Variants in ARHGAP32 observed in about 807,000 individuals in gnomAD.
ARHGAP32 encodes the protein Rho GTPase activating protein 32.
A neutral mutation model predicts 186.5 loss-of-function variants in ARHGAP32; 51 were observed. That is an observed-to-expected ratio of 0.27 (90% CI 0.22 to 0.35). The LOEUF (loss-of-function observed/expected upper bound fraction) is 0.35. Among genes scored for constraint, ARHGAP32 ranks in the 10% least tolerant of loss-of-function variants. ARHGAP32 has a pLI of 1.00. For synonymous variants in ARHGAP32, 950 were observed against 964.3 expected (o/e 0.99, Z 0.27); for missense variants, 2,186 against 2,623.5 (o/e 0.83, Z 3.64).
chr11:128,989,163 C>T (rs1375432218), intron 12 of ARHGAP32, among the ~76,000 whole-genome samples: 1 of 151,968 alleles, frequency 6.6e-6, no homozygotes, highest in African/African-American at 2.4e-5. Flanking sequence ...CCTTGGTTTT[C>T]CTGACTTTTA....
In ARHGAP32 at chr11:129,106,067, G is replaced by A. The variant is rs544695945; in HGVS notation, c.445-12360C>T. Among the ~76,000 whole-genome samples the A allele has an allele frequency of 3.3e-5, 5 of 152,300 alleles. 1 individual carries two copies. The highest frequency in any genetic ancestry group is 1.2e-4 in the African/African-American group (5 of 41,562). On this transcript the variant is annotated intron_variant, in intron 5 of 22. Transcript: ENST00000682385. ...GAAAAGGAATTGCTTATATACTGTTGTTGGGAATGTAAATTACTTCAGCCA... is the reference window on the plus strand; with the variant it reads ...GAAAAGGAATTGCTTATATACTGTTATTGGGAATGTAAATTACTTCAGCCA...
At chr11:129,241,022 C>A (rs1471811601) in intron 1 of ARHGAP32, among the ~76,000 whole-genome samples, 1 of 152,166 alleles carries the variant, frequency 6.6e-6, no homozygotes, top group East Asian at 1.9e-4. Context: ...TCTTGCTCCA[C>A]TATTTACCAT....
chr11:129,066,591 CTT>C lies in ARHGAP32; in HGVS notation c.669+138_669+139del, dbSNP rs563875685. On this transcript the variant is annotated intron_variant, in intron 7 of 22. Transcript: ENST00000682385. ...TAAACATTATATTTAACATTACTAA[CTT>C]TTCAGTTATGAAACAGGCAAGTAGT... 3.0e-4 allele frequency: 197 copies of C among 664,890 alleles called. No homozygotes were observed. The African/African-American group carries it at 3.3e-3, about 11-fold the overall frequency. 41.2% of individuals were successfully genotyped at this position (664,890 alleles called of 1,614,324 possible).
intron 6 of ARHGAP32, among the ~76,000 whole-genome samples, chr11:129,068,488 T>C (rs1940767385): frequency 2.0e-5 from 3 of 152,092 alleles, no homozygotes; most frequent in African/African-American, 4.8e-5. Context: ...ATTTCAAATT[T>C]GCCAAAGTGG....
At position 129,111,451 on chromosome 11, in the gene ARHGAP32, T is replaced by C. The variant is rs191846123; in HGVS notation, c.444+11995A>G. The stretch of plus-strand genomic sequence containing the variant: ...GGGAGAATTCTCTCCTCTTCAATTC[T>C]TTGAAATAGTTTGAGGAGAGTGATG... On this transcript the variant is annotated intron_variant, in intron 5 of 22. Coordinates refer to ENST00000682385, the MANE Select transcript of ARHGAP32 (RefSeq NM_001378024.1). 1.6e-4 allele frequency among the ~76,000 whole-genome samples: 24 copies of C among 152,340 alleles called. No homozygotes were observed. The East Asian group carries it at 4.4e-3, about 28-fold the overall frequency.
chr11:128,984,744 T>A (rs975568816), intron 15 of ARHGAP32, among the ~76,000 whole-genome samples: 2 of 152,064 alleles, frequency 1.3e-5, no homozygotes, highest in East Asian at 1.9e-4. Flanking sequence ...ACAGGCAAAG[T>A]GGATAATATT....
intron 1 of ARHGAP32, among the ~76,000 whole-genome samples, chr11:129,208,500 A>C (rs973938721): frequency 1.3e-5 from 2 of 152,208 alleles, no homozygotes. Flanking sequence ...CTTCAGATCA[A>C]ACAACAGTTA....
intron 10 of ARHGAP32, among the ~76,000 whole-genome samples, chr11:129,059,180 T>C (rs1005700586): frequency 2.0e-5 from 3 of 152,220 alleles, no homozygotes; most frequent in Non-Finnish European, 4.4e-5. Flanking sequence ...GGCAATGAGA[T>C]GGAGCAGACT....
chr11:129,174,539 C>T (rs1943859928), intron 1 of ARHGAP32, among the ~76,000 whole-genome samples: 1 of 152,172 alleles, frequency 6.6e-6, no homozygotes, highest in Non-Finnish European at 1.5e-5. Flanking sequence ...CTTAAATGTC[C>T]CTGTCTGACA....
chr11:129,123,461 C>T lies in ARHGAP32; in HGVS notation c.429G>A (p.Glu143=), dbSNP rs774043407. ...ECAHFHYENV[E]FGSIQLSLSE... The stretch of plus-strand genomic sequence containing the variant: ...TTCAGTATACCTGTATGCTGCCGAA[C>T]TCAACATTCTCATAATGGAAATGCG... The change falls in exon 5 of 23, where the codon GAG becomes GAA. Residue 143 remains glutamate, a synonymous_variant. Transcript: ENST00000682385. The surrounding 1 kb of genome is among the most constrained non-coding windows in gnomAD (Gnocchi z 4.6). 3 of 1,612,622 alleles carry T rather than the reference C, an allele frequency of 1.9e-6. No homozygotes were observed. Among genetic ancestry groups the T allele is most frequent in the Non-Finnish European group, 2.5e-6 (3 of 1,178,992 alleles).
chr11:129,248,999 A>T (rs1945142550), intron 1 of ARHGAP32, among the ~76,000 whole-genome samples: 1 of 152,206 alleles, frequency 6.6e-6, no homozygotes, highest in African/African-American at 2.4e-5. Context: ...GAAAAAGATA[A>T]CACAATGCCA....
chr11:129,048,691 T>C (rs759788973), intron 10 of ARHGAP32, among the ~76,000 whole-genome samples: 1 of 152,190 alleles, frequency 6.6e-6, no homozygotes, highest in Non-Finnish European at 1.5e-5. Context: ...ATACTGAATA[T>C]TGAACATAAT....
At chr11:129,014,752 T>C (rs1324256725) in intron 11 of ARHGAP32, among the ~76,000 whole-genome samples, 2 of 152,200 alleles carry the variant, frequency 1.3e-5, no homozygotes, top group African/African-American at 2.4e-5. Context: ...TATAATATCC[T>C]GTCTTTTATT....
In ARHGAP32 at chr11:129,015,993, A is replaced by G. The variant is rs148141283; in HGVS notation, c.1046-17525T>C. On this transcript the variant is annotated intron_variant, in intron 11 of 22. Transcript: ENST00000682385. Reference sequence around the variant, plus strand: ...TTTCAACTTTGCTAAAATATTATCTAAAATGATTTATCAATATACACTCTA... The same window carrying G: ...TTTCAACTTTGCTAAAATATTATCTGAAATGATTTATCAATATACACTCTA... Among the ~76,000 whole-genome samples the G allele has an allele frequency of 3.6e-3, 546 of 152,332 alleles. 6 individuals carry two copies. The highest frequency in any genetic ancestry group is 0.012 in the African/African-American group (501 of 41,572).
At chr11:129,237,204 T>C (rs1414369231) in intron 1 of ARHGAP32, among the ~76,000 whole-genome samples, 1 of 152,216 alleles carries the variant, frequency 6.6e-6, no homozygotes, top group African/African-American at 2.4e-5. Context: ...TACTGGTCTG[T>C]AGTCTTCTTT....
chr11:129,138,838 T>G (rs1212299271), intron 2 of ARHGAP32, among the ~76,000 whole-genome samples: 2 of 152,158 alleles, frequency 1.3e-5, no homozygotes, highest in African/African-American at 4.8e-5. Context: ...ATGTTCAACA[T>G]AATCACAGAG....
At chr11:129,081,713 C>T (rs945534473) in intron 6 of ARHGAP32, among the ~76,000 whole-genome samples, 4 of 151,594 alleles carry the variant, frequency 2.6e-5, no homozygotes, top group African/African-American at 9.7e-5. Context: ...CCTCCTTTCA[C>T]CATTTCTATT....
chr11:129,052,775 G>A (rs188408438), intron 10 of ARHGAP32, among the ~76,000 whole-genome samples: 6 of 152,100 alleles, frequency 3.9e-5, no homozygotes, highest in African/African-American at 1.4e-4. Context: ...AACATACTGT[G>A]TATTTTAAAT....
At chr11:129,201,799 A>G (rs1464924593) in intron 1 of ARHGAP32, among the ~76,000 whole-genome samples, 3 of 152,118 alleles carry the variant, frequency 2.0e-5, no homozygotes, top group Non-Finnish European at 4.4e-5. Context: ...AGAGCAACAG[A>G]GCAAGACTCC....
Sources: allele counts gnomAD v4.1 joint callset (sites outside exome capture counted in the v4.1 genomes callset), GRCh38; gene constraint gnomAD v4.1.1; non-coding constraint Gnocchi (gnomAD v3.1); transcripts MANE v1.5; gene names NCBI Gene and HGNC (gene_info 2026-07-23, HGNC 2026-07-21).